Variants in NLK observed in about 807,000 individuals in gnomAD.
NLK encodes the protein nemo like kinase.
In NLK, 11 loss-of-function variants were observed where a neutral mutation model predicts 59.0. The ratio of observed to expected loss-of-function variants is 0.19; its 90% confidence interval spans 0.12 to 0.31. The LOEUF (loss-of-function observed/expected upper bound fraction) is 0.31, where lower values mean the gene tolerates loss of function less well. Among genes scored for constraint, NLK ranks in the 10% least tolerant of loss-of-function variants. The pLI is 1.00. For missense variants in NLK, 410 were observed against 661.1 expected (o/e 0.62, Z 4.16); for synonymous variants, 235 against 235.9 (o/e 1.00, Z 0.03).
intron 2 of NLK, among the ~76,000 whole-genome samples, chr17:28,126,894 A>G (rs1906311309): frequency 1.3e-5 from 2 of 152,208 alleles, no homozygotes; most frequent in Admixed American, 6.5e-5. Context: ...ATATACATGC[A>G]TAGTTGTCAT....
intron 1 of NLK, chr17:28,062,118 A>C (rs1318050565): frequency 6.6e-6 from 1 of 151,790 alleles, no homozygotes; most frequent in Non-Finnish European, 1.5e-5. Flanking sequence ...GTTGCCCGTT[A>C]AAACTGCATA....
chr17:28,073,134 G>A (rs1232649354), intron 1 of NLK, among the ~76,000 whole-genome samples: 1 of 151,902 alleles, frequency 6.6e-6, no homozygotes, highest in Non-Finnish European at 1.5e-5. Flanking sequence ...TAGTCACAAA[G>A]GGTGCAGACT....
intron 8 of NLK, among the ~76,000 whole-genome samples, chr17:28,190,413 A>C (rs1401057825): frequency 1.3e-5 from 2 of 152,180 alleles, no homozygotes; most frequent in East Asian, 3.8e-4. Context: ...ATTCAAGAAC[A>C]CAGTGAGACC....
At chr17:28,145,854 C>T (rs141992566) in intron 3 of NLK, among the ~76,000 whole-genome samples, 2 of 152,098 alleles carry the variant, frequency 1.3e-5, no homozygotes, top group African/African-American at 4.8e-5. Context: ...TACAGGTGCC[C>T]GCAACCACAC....
At chr17:28,051,644 A>G (rs1414976023) in intron 1 of NLK, among the ~76,000 whole-genome samples, 1 of 148,994 alleles carries the variant, frequency 6.7e-6, no homozygotes, top group East Asian at 1.9e-4. Context: ...GTTGTGAGCC[A>G]CTGCGCCCGG....
chr17:28,150,512 G>A (rs1320438293), intron 3 of NLK, among the ~76,000 whole-genome samples: 5 of 152,136 alleles, frequency 3.3e-5, no homozygotes, highest in African/African-American at 9.7e-5. Context: ...TTGTGTTTAA[G>A]TGATGTTCTC....
At chr17:28,114,145 T>G (rs78492632) in intron 1 of NLK, among the ~76,000 whole-genome samples, 5,822 of 152,292 alleles carry the variant, frequency 0.038, 169 homozygotes, top group Middle Eastern at 0.061. Flanking sequence ...TTGAACATTC[T>G]GTTTGTGGAT....
intron 3 of NLK, among the ~76,000 whole-genome samples, chr17:28,150,854 A>C (rs1907450034): frequency 6.6e-6 from 1 of 152,226 alleles, no homozygotes; most frequent in African/African-American, 2.4e-5. Context: ...ACGTTTAAAT[A>C]GGAGAGATGG....
chr17:28,133,974 C>G (rs1906627215), intron 3 of NLK, among the ~76,000 whole-genome samples: 1 of 152,048 alleles, frequency 6.6e-6, no homozygotes, highest in African/African-American at 2.4e-5. Flanking sequence ...AGAATTGTCA[C>G]TGATCAACAC....
At chr17:28,204,075 C>A in the NLK span, among the ~76,000 whole-genome samples, 1 of 152,216 alleles carries the variant, frequency 6.6e-6, no homozygotes, top group African/African-American at 2.4e-5. Flanking sequence ...GTGGAGGGTG[C>A]TTACTCCATC....
intron 1 of NLK, among the ~76,000 whole-genome samples, chr17:28,119,416 A>C (rs919962742): frequency 6.6e-6 from 1 of 152,216 alleles, no homozygotes; most frequent in Non-Finnish European, 1.5e-5. Flanking sequence ...GCCTGTGTCA[A>C]GTATTTTCAG....
At chr17:28,128,136 G>A (rs946811410) in intron 2 of NLK, among the ~76,000 whole-genome samples, 2 of 152,092 alleles carry the variant, frequency 1.3e-5, no homozygotes, top group African/African-American at 4.8e-5. Context: ...ACTTAAATGT[G>A]AAAGGTAAAA....
rs1472230312 is a variant in NLK, at chr17:28,077,684, A to G, written c.458+34353A>G. ...AGGCATCTTGATCAGTTTGATGCCG[A>G]GAATGCCATTATATTAAACTTTGCA... On this transcript the variant is annotated intron_variant, in intron 1 of 10. Coordinates refer to ENST00000407008, the MANE Select transcript of NLK (RefSeq NM_016231.5). 2.0e-5 allele frequency among the ~76,000 whole-genome samples: 3 copies of G among 152,254 alleles called. No homozygotes were observed. The East Asian group carries it at 5.8e-4, about 29-fold the overall frequency.
chr17:28,042,754 C>G lies in NLK; in HGVS notation c.-120C>G. 1.1e-6 allele frequency: 1 copy of G among 899,350 alleles called. No homozygotes were observed. Among genetic ancestry groups the G allele is most frequent in the Non-Finnish European group, 1.6e-6 (1 of 614,800 alleles). The allele number at this position is 899,350 out of a possible 1,614,324, so 55.7% of individuals were successfully genotyped here. ...AGATCCTCTAACTTGTTTGGATTGA[C>G]TGATGAAGACATAAAGCTCTATGTT... On this transcript the variant is annotated 5_prime_UTR_variant, in exon 1 of 11. Coordinates refer to ENST00000407008, the MANE Select transcript of NLK (RefSeq NM_016231.5).
intron 7 of NLK, among the ~76,000 whole-genome samples, chr17:28,179,807 A>T (rs894542570): frequency 2.7e-5 from 4 of 149,978 alleles, no homozygotes; most frequent in African/African-American, 9.8e-5. Context: ...TGGCCTCCCA[A>T]AGGGTTATGA....
At position 28,054,065 on chromosome 17, in the gene NLK, A is replaced by G. The variant is rs186014262; in HGVS notation, c.458+10734A>G. ...AAACTTGATTTCTATATTTACTTCA[A>G]TAGAGCTGGAAATTTAGTAATACAG... On this transcript the variant is annotated intron_variant, in intron 1 of 10. Transcript: ENST00000407008. Among the ~76,000 whole-genome samples, 7 of 152,332 alleles carry G rather than the reference A, an allele frequency of 4.6e-5. No homozygotes were observed. In the East Asian group the frequency reaches 9.6e-4, roughly 21 times the overall value.
At chr17:28,199,942 G>A (rs1478547015), downstream of NLK, among the ~76,000 whole-genome samples, 17 of 152,156 alleles carry the variant, frequency 1.1e-4, no homozygotes, top group Admixed American at 1.1e-3. Flanking sequence ...ACCCAAAGCA[G>A]GTGAAGTGGT....
chr17:28,061,886 C>CATATATACATATACATACATATATACAT, intron 1 of NLK: 1 of 136,218 alleles, frequency 7.3e-6, no homozygotes, highest in Non-Finnish European at 1.5e-5. Flanking sequence ...ATAATATATA[C>CATATATACATATACATACATATATACAT]ATATATACAT....
Position 28,115,106 on chromosome 17 carries a change from G to A in NLK, c.459-7497G>A, listed in dbSNP as rs112863061. On this transcript the variant is annotated intron_variant, in intron 1 of 10. Coordinates refer to ENST00000407008, the MANE Select transcript of NLK (RefSeq NM_016231.5). ...AGTGAGGCTAGTTCTGCAAGTTTTG[G>A]CAGAACTGTAAACTGGATTCAGCTA... Among the ~76,000 whole-genome samples the A allele has an allele frequency of 2.7e-3, 418 of 152,260 alleles. 4 individuals carry two copies. Among genetic ancestry groups the A allele is most frequent in the African/African-American group, 9.3e-3 (385 of 41,550 alleles).
Sources: gnomAD v4.1 joint callset for allele counts (sites outside exome capture counted in the v4.1 genomes callset) on GRCh38, gnomAD v4.1.1 for gene constraint, MANE v1.5 for transcripts, NCBI Gene and HGNC (gene_info 2026-07-23, HGNC 2026-07-21) for gene names.